The following SYNDIG1 variants were observed in gnomAD, a reference collection of about 807,000 sequenced individuals.
SYNDIG1 encodes synapse differentiation-inducing gene protein 1.
In SYNDIG1, 9 loss-of-function variants were observed where a neutral mutation model predicts 19.4. The ratio of observed to expected loss-of-function variants is 0.46; its 90% CI spans 0.28 to 0.81. SYNDIG1 has a LOEUF of 0.81. Ranked by LOEUF, SYNDIG1 falls within the 30% of genes least tolerant of loss-of-function variation. SYNDIG1 has a pLI of 0.12. For missense variants in SYNDIG1, 311 were observed against 343.3 expected (o/e 0.91, Z 0.74); for synonymous variants, 141 against 145.9 (o/e 0.97, Z 0.24).
chr20:24,626,638 GC>G (rs2059142449), intron 3 of SYNDIG1, among the ~76,000 whole-genome samples: 3 of 152,214 alleles, frequency 2.0e-5, no homozygotes, highest in Admixed American at 2.0e-4. Context: ...ACGATGGGCG[GC>G]CAGGCAGAGA....
chr20:24,547,146 G>GT (rs1301991576), intron 2 of SYNDIG1, among the ~76,000 whole-genome samples: 1 of 152,036 alleles, frequency 6.6e-6, no homozygotes, highest in Non-Finnish European at 1.5e-5. Flanking sequence ...CATTGCCCTG[G>GT]TTCAGAGCAG....
chr20:24,519,015 A>T (rs2056948230), intron 1 of SYNDIG1, among the ~76,000 whole-genome samples: 1 of 152,252 alleles, frequency 6.6e-6, no homozygotes, highest in Non-Finnish European at 1.5e-5. Flanking sequence ...GGCAGAGAAT[A>T]ACTCAAGAGC....
intron 2 of SYNDIG1, among the ~76,000 whole-genome samples, chr20:24,576,391 T>A (rs2058228121): frequency 6.6e-6 from 1 of 152,244 alleles, no homozygotes; most frequent in South Asian, 2.1e-4. Flanking sequence ...CATTTTCTTA[T>A]GATGGTTCCG....
chr20:24,477,282 T>C (rs1483134799), intron 1 of SYNDIG1, among the ~76,000 whole-genome samples: 9 of 152,134 alleles, frequency 5.9e-5, no homozygotes, highest in Admixed American at 5.9e-4. Flanking sequence ...CAGGTGGCCC[T>C]ACCGTCTCAC....
chr20:24,574,391 A>G (rs2058194039), intron 2 of SYNDIG1, among the ~76,000 whole-genome samples: 1 of 151,896 alleles, frequency 6.6e-6, no homozygotes, highest in South Asian at 2.1e-4. Flanking sequence ...CAGGAGGCTG[A>G]AGCAGGAGAA....
At chr20:24,588,608 G>T (rs964596576) in intron 3 of SYNDIG1, among the ~76,000 whole-genome samples, 1 of 152,178 alleles carries the variant, frequency 6.6e-6, no homozygotes, top group Non-Finnish European at 1.5e-5. Context: ...GCCATCACCC[G>T]GGAGGGGCCG....
chr20:24,650,753 T>G (rs932270822), intron 3 of SYNDIG1, among the ~76,000 whole-genome samples: 3 of 152,218 alleles, frequency 2.0e-5, no homozygotes. Flanking sequence ...TTCTTGAAAA[T>G]GCAATGTATC....
chr20:24,539,485 T>G (rs1015611494), intron 1 of SYNDIG1, among the ~76,000 whole-genome samples: 1 of 152,220 alleles, frequency 6.6e-6, no homozygotes, highest in African/African-American at 2.4e-5. Flanking sequence ...TCACACTGTT[T>G]TGATTCTAGT....
chr20:24,663,638 C>T lies in SYNDIG1; in HGVS notation c.619-1708C>T, dbSNP rs375729284. Among the ~76,000 whole-genome samples, 220 of 152,306 alleles carry T rather than the reference C, an allele frequency of 1.4e-3. 2 individuals carry two copies. In the Middle Eastern group the frequency reaches 0.024, roughly 16 times the overall value. The stretch of plus-strand genomic sequence containing the variant: ...CAAGTGAGCAGGAAGGCAACTATTC[C>T]GCAAGTGGGTACTCAGATGTGTGAG... On this transcript the variant is annotated intron_variant, in intron 3 of 3. Coordinates refer to ENST00000376862, the MANE Select transcript of SYNDIG1 (RefSeq NM_024893.3).
chr20:24,553,667 A>C (rs558312378), intron 2 of SYNDIG1, among the ~76,000 whole-genome samples: 1 of 152,162 alleles, frequency 6.6e-6, no homozygotes, highest in Non-Finnish European at 1.5e-5. Flanking sequence ...CCATTCATCT[A>C]TATCTCTGAT....
At chr20:24,499,224 C>T (rs1312331207) in intron 1 of SYNDIG1, among the ~76,000 whole-genome samples, 1 of 152,172 alleles carries the variant, frequency 6.6e-6, no homozygotes, top group African/African-American at 2.4e-5. Flanking sequence ...GGGGTTTCAC[C>T]ATGTTGGCCA....
intron 1 of SYNDIG1, among the ~76,000 whole-genome samples, chr20:24,520,085 G>A (rs1555892): frequency 0.76 from 115,751 of 151,986 alleles, 44,524 homozygotes; most frequent in African/African-American, 0.88. Context: ...GATGCACCTC[G>A]CAGTCAGTGG....
chr20:24,470,107 G>A (rs967768279), intron 1 of SYNDIG1, among the ~76,000 whole-genome samples: 5 of 152,174 alleles, frequency 3.3e-5, no homozygotes, highest in Non-Finnish European at 7.3e-5. Context: ...GGGAGCTGGT[G>A]AGACCGAGAA....
intron 1 of SYNDIG1, among the ~76,000 whole-genome samples, chr20:24,471,255 G>C (rs2055443997): frequency 6.6e-6 from 1 of 152,058 alleles, no homozygotes; most frequent in Admixed American, 6.5e-5. Flanking sequence ...TCTAGGTCGC[G>C]AAATCCTGGC....
chr20:24,476,139 G>T (rs2055618016), intron 1 of SYNDIG1, among the ~76,000 whole-genome samples: 1 of 151,818 alleles, frequency 6.6e-6, no homozygotes, highest in Admixed American at 6.6e-5. Flanking sequence ...GGAATTACAT[G>T]CATGAGCCAC....
intron 1 of SYNDIG1, among the ~76,000 whole-genome samples, chr20:24,499,043 G>A (rs1209582974): frequency 6.6e-6 from 1 of 151,876 alleles, no homozygotes. Flanking sequence ...TTTGTTTTGA[G>A]ACGGAGTCTA....
intron 3 of SYNDIG1, among the ~76,000 whole-genome samples, chr20:24,617,802 TG>T (rs897769343): frequency 8.2e-5 from 1 of 12,130 alleles, no homozygotes; most frequent in African/African-American, 3.7e-4. Flanking sequence ...AAGGGGGTCC[TG>T]GGGGAGGGTC....
rs574577672 is a variant in SYNDIG1, at chr20:24,516,621, C to A, written c.-78-26399C>A. On this transcript the variant is annotated intron_variant, in intron 1 of 3. Coordinates refer to ENST00000376862, the MANE Select transcript of SYNDIG1 (RefSeq NM_024893.3). The stretch of plus-strand genomic sequence containing the variant: ...TACAAATCAAAACCACAATGAGATA[C>A]CATATCACACTAGTTAGAATGGTGA... 2.9e-3 allele frequency among the ~76,000 whole-genome samples: 449 copies of A among 152,268 alleles called. 2 individuals are homozygous for A. Among genetic ancestry groups the A allele is most frequent in the African/African-American group, 0.01 (431 of 41,556 alleles).
At position 24,597,449 on chromosome 20, in the gene SYNDIG1, A is replaced by G. The variant is rs560927489; in HGVS notation, c.618+12456A>G. Among the ~76,000 whole-genome samples, 29 of 152,260 alleles carry G rather than the reference A, an allele frequency of 1.9e-4. No homozygotes were observed. In the South Asian group the frequency reaches 5.4e-3, roughly 28 times the overall value. ...CTTCCACTTTTTTCGTTGTTCTGGA[A>G]GGGATGCTAAGGCTGGGAGGGGGCT... On this transcript the variant is annotated intron_variant, in intron 3 of 3. Coordinates refer to ENST00000376862, the MANE Select transcript of SYNDIG1 (RefSeq NM_024893.3).
Sources: allele counts gnomAD v4.1 joint callset (sites outside exome capture counted in the v4.1 genomes callset), GRCh38; gene constraint gnomAD v4.1.1; transcripts MANE v1.5; gene names NCBI Gene and HGNC (gene_info 2026-07-23, HGNC 2026-07-21).